Variants in ARPC5L observed in about 807,000 individuals in gnomAD.
ARPC5L encodes the protein actin related protein 2/3 complex subunit 5 like.
ARPC5L carries 4 observed loss-of-function variants against 16.9 expected under a neutral mutation model. The ratio of observed to expected loss-of-function variants is 0.24; its 90% confidence interval spans 0.12 to 0.54. The LOEUF (loss-of-function observed/expected upper bound fraction) is 0.54. Ranked by LOEUF, ARPC5L falls within the 20% of genes least tolerant of loss-of-function variation. ARPC5L has a pLI of 0.95. For synonymous variants in ARPC5L, 78 were observed against 82.6 expected (o/e 0.94, Z 0.30); for missense variants, 151 against 201.9 (o/e 0.75, Z 1.53).
rs548061448 is a variant in ARPC5L at position 124,869,553 on chromosome 9, C to T, written c.149+114C>T. On this transcript the variant is annotated intron_variant, in intron 3 of 5. Coordinates refer to ENST00000353214, the MANE Select transcript of ARPC5L (RefSeq NM_030978.3). ...TCCCCTGTCTCCGACCCTTGGCCCC[C>T]TCAGGTCAGCCTCCAGCTCCCTGCC... 1.7e-4 allele frequency: 241 copies of T among 1,377,762 alleles called. 1 individual carries two copies. In the African/African-American group the frequency reaches 3.2e-3, roughly 18 times the overall value. 85.3% of individuals were successfully genotyped at this position (1,377,762 alleles called of 1,614,324 possible).
intron 2 of ARPC5L, among the ~76,000 whole-genome samples, chr9:124,865,785 T>G (rs1482457543): frequency 6.7e-6 from 1 of 148,268 alleles, no homozygotes; most frequent in Non-Finnish European, 1.5e-5. Flanking sequence ...AGAGCAAAAC[T>G]CCATCTCAAA....
intron 4 of ARPC5L, 96 bp from the exon 5 acceptor site, chr9:124,874,879 A>G (rs1829409720): frequency 7.7e-6 from 11 of 1,429,460 alleles, no homozygotes; most frequent in Non-Finnish European, 9.8e-6. Context: ...GAAACTGGGC[A>G]GTGTTTCTGG....
chr9:124,867,238 T>G (rs1829281842), intron 2 of ARPC5L, among the ~76,000 whole-genome samples: 2 of 150,532 alleles, frequency 1.3e-5, no homozygotes. Flanking sequence ...GCCTCCTGGG[T>G]TCAAGCGATT....
intron 2 of ARPC5L, among the ~76,000 whole-genome samples, chr9:124,867,939 A>C (rs1468993919): frequency 6.6e-6 from 1 of 151,408 alleles, no homozygotes; most frequent in Non-Finnish European, 1.5e-5. Flanking sequence ...CCTCCCGAGT[A>C]GCTGGGATTA....
At position 124,869,202 on chromosome 9, in the gene ARPC5L, C is replaced by T. The variant is rs898747669; in HGVS notation, c.-89C>T. The T allele has an allele frequency of 3.0e-6, 4 of 1,327,578 alleles. No homozygotes were observed. Among genetic ancestry groups the T allele is most frequent in the Non-Finnish European group, 1.9e-6 (2 of 1,030,020 alleles). The allele number at this position is 1,327,578 out of a possible 1,614,324, so 82.2% of individuals were successfully genotyped here. On this transcript the variant is annotated 5_prime_UTR_variant, in exon 3 of 6. Transcript: ENST00000353214. ...GCTGGGAGCAGCCGGGCAGCCGCTTCCCGCCCCCGAGCAGGAGCCGGTGCG... is the reference window on the plus strand; with the variant it reads ...GCTGGGAGCAGCCGGGCAGCCGCTTTCCGCCCCCGAGCAGGAGCCGGTGCG...
intron 1 of ARPC5L, 23 bp downstream of exon 1, chr9:124,862,421 G>C (rs1829216064): frequency 6.4e-6 from 1 of 155,672 alleles, no homozygotes; most frequent in Non-Finnish European, 1.4e-5. Context: ...CGAGATGGAC[G>C]GGAGGGGCGG....
In ARPC5L at chr9:124,869,104, G is replaced by A. The variant is rs928598163; in HGVS notation, c.-187G>A. 2.0e-5 allele frequency: 12 copies of A among 602,870 alleles called. No individual in the cohort carries two copies. The East Asian group carries it at 2.3e-4, about 11-fold the overall frequency. 37.3% of individuals were successfully genotyped at this position (602,870 alleles called of 1,614,324 possible). ...TGCCAGGCTCCGCCCCGCCCCTGAC[G>A]GCGCTTCCGGATCCGGCGGGTGCCG... On this transcript the variant is annotated 5_prime_UTR_variant, in exon 3 of 6. Transcript: ENST00000353214.
intron 3 of ARPC5L, among the ~76,000 whole-genome samples, chr9:124,871,526 C>G (rs903603342): frequency 6.6e-6 from 1 of 152,134 alleles, no homozygotes; most frequent in Non-Finnish European, 1.5e-5. Context: ...AGTTTTGTGA[C>G]CTTGCGCAGG....
At chr9:124,872,125 G>A (rs565938316) in intron 3 of ARPC5L, among the ~76,000 whole-genome samples, 16 of 152,262 alleles carry the variant, frequency 1.1e-4, no homozygotes, top group African/African-American at 3.6e-4. Flanking sequence ...CTGAGTTAAC[G>A]CCACAGCAGT....
At chr9:124,875,644 C>T (rs1829422909) in intron 5 of ARPC5L, among the ~76,000 whole-genome samples, 1 of 152,180 alleles carries the variant, frequency 6.6e-6, no homozygotes, top group Non-Finnish European at 1.5e-5. Context: ...ATATGGCCTT[C>T]GTCCAGGTGA....
At chr9:124,876,141 C>G (rs1035994898) in intron 5 of ARPC5L, among the ~76,000 whole-genome samples, 1 of 151,098 alleles carries the variant, frequency 6.6e-6, no homozygotes, top group Non-Finnish European at 1.5e-5. Flanking sequence ...TTGCTGGAGC[C>G]CAGGAGTTCA....
At chr9:124,865,605 C>T (rs532486578) in intron 2 of ARPC5L, among the ~76,000 whole-genome samples, 1 of 151,508 alleles carries the variant, frequency 6.6e-6, no homozygotes, top group South Asian at 2.1e-4. Context: ...GCCTGGCCAA[C>T]ATGGTGAAAC....
At chr9:124,875,951 C>T (rs1196770236) in intron 5 of ARPC5L, among the ~76,000 whole-genome samples, 2 of 152,136 alleles carry the variant, frequency 1.3e-5, no homozygotes, top group African/African-American at 4.8e-5. Context: ...TGTGCTGCAC[C>T]TCCTTGGCCT....
At chr9:124,866,442 T>A (rs1829271702) in intron 2 of ARPC5L, among the ~76,000 whole-genome samples, 1 of 150,696 alleles carries the variant, frequency 6.6e-6, no homozygotes, top group Admixed American at 6.6e-5. Context: ...AAGAAATTGG[T>A]GGGGCACGGT....
At position 124,869,205 on chromosome 9, in the gene ARPC5L, G is replaced by C. The variant is rs1829316566; in HGVS notation, c.-86G>C. ...GGGAGCAGCCGGGCAGCCGCTTCCC[G>C]CCCCCGAGCAGGAGCCGGTGCGAGC... On this transcript the variant is annotated 5_prime_UTR_variant, in exon 3 of 6. Transcript: ENST00000353214. 2 of 1,329,462 alleles carry C rather than the reference G, an allele frequency of 1.5e-6. No individual in the cohort carries two copies. The highest frequency in any genetic ancestry group is 3.1e-5 in the African/African-American group (2 of 64,340). 82.4% of individuals were successfully genotyped at this position (1,329,462 alleles called of 1,614,324 possible).
chr9:124,868,113 C>T (rs1378711315), intron 2 of ARPC5L, among the ~76,000 whole-genome samples: 1 of 152,002 alleles, frequency 6.6e-6, no homozygotes, highest in Admixed American at 6.6e-5. Context: ...CACTAGTTTC[C>T]CACTATGGGA....
Position 124,876,906 on chromosome 9 carries a change from TTA to T in ARPC5L, c.431_432del (p.Ile144LysfsTer20). The T allele has an allele frequency of 6.2e-7, 1 of 1,613,522 alleles. No homozygotes were observed. Reference sequence around the variant, plus strand: ...TTAGCAGTAGGAGGACTAGGCTCCATTATAAGAGTTCTTACAGCAAGAAAGAC... The same window carrying T: ...TTAGCAGTAGGAGGACTAGGCTCCATTAAGAGTTCTTACAGCAAGAAAGAC... On this transcript the variant is annotated frameshift_variant, in exon 6 of 6. Coordinates refer to ENST00000353214, the MANE Select transcript of ARPC5L (RefSeq NM_030978.3). LOFTEE classifies it high-confidence loss of function.
intron 2 of ARPC5L, among the ~76,000 whole-genome samples, chr9:124,867,391 G>C (rs1428162044): frequency 6.6e-6 from 1 of 151,718 alleles, no homozygotes; most frequent in Admixed American, 6.6e-5. Flanking sequence ...TCTGCCCCCT[G>C]GGCCTCCCAA....
intron 3 of ARPC5L, chr9:124,873,203 A>G (rs76611646): frequency 0.038 from 5,922 of 156,230 alleles, 387 homozygotes; most frequent in African/African-American, 0.13. Context: ...ATTGATCCCG[A>G]TAGATCTTAG....
Sources: gnomAD v4.1 joint callset for allele counts (sites outside exome capture counted in the v4.1 genomes callset) on GRCh38, gnomAD v4.1.1 for gene constraint, MANE v1.5 for transcripts, NCBI Gene and HGNC (gene_info 2026-07-23, HGNC 2026-07-21) for gene names.